The following TNIK variants were observed in gnomAD, a reference collection of about 807,000 sequenced individuals.
TNIK encodes the protein TRAF2 and NCK interacting kinase, also known as TRAF2 and NCK-interacting protein kinase.
Under a neutral mutation model 191.3 loss-of-function variants are expected in TNIK, and 49 were observed. The ratio of observed to expected loss-of-function variants is 0.26; its 90% CI spans 0.20 to 0.32. The LOEUF is 0.32. Ranked by LOEUF, TNIK falls within the 10% of genes least tolerant of loss-of-function variation. The pLI is 1.00. For synonymous variants in TNIK, 594 were observed against 600.9 expected, an observed-to-expected ratio of 0.99 and a Z score of 0.17; for missense variants, 1,155 against 1,702.3, an observed-to-expected ratio of 0.68 and a Z score of 5.66.
chr3:171,460,004 C>A lies in TNIK; in HGVS notation c.57+3G>T. ...GAAAGAAACCAGAAAACGTCCTGCT[C>A]ACCCTCAGAGCCGAGAGATCTATTT... On this transcript the variant is annotated splice_donor_region_variant and intron_variant, in intron 1 of 32. Transcript: ENST00000436636. This position sits in a 1 kb window ranked among gnomAD's most constrained non-coding sequence, Gnocchi z 6.8. 6.2e-7 allele frequency: 1 copy of A among 1,608,208 alleles called. No homozygotes were observed. The highest frequency in any genetic ancestry group is 1.3e-5 in the African/African-American group (1 of 74,902).
intron 15 of TNIK, among the ~76,000 whole-genome samples, chr3:171,134,342 G>A (rs1729690077): frequency 6.6e-6 from 1 of 152,140 alleles, no homozygotes; most frequent in Admixed American, 6.5e-5. Flanking sequence ...CTGGAGTGCA[G>A]TGGTGCAATC....
rs570973597 is a variant in TNIK, at chr3:171,249,151, C to T, written c.124-20930G>A. On this transcript the variant is annotated intron_variant, in intron 2 of 32. Coordinates refer to ENST00000436636, the MANE Select transcript of TNIK (RefSeq NM_015028.4). ...ACATTAAAAGTAACTAGCTATTGAA[C>T]ATGGCAACAAAAATAGTTAAGAACC... 4.6e-5 allele frequency among the ~76,000 whole-genome samples: 7 copies of T among 152,280 alleles called. No homozygotes were observed. The East Asian group carries it at 9.6e-4, about 21-fold the overall frequency.
chr3:171,219,153 A>G (rs1465365050), intron 3 of TNIK, among the ~76,000 whole-genome samples: 2 of 135,822 alleles, frequency 1.5e-5, no homozygotes, highest in Admixed American at 8.1e-5. Context: ...ATTATAAAAT[A>G]TATAATACAT....
At chr3:171,086,509 C>T (rs538006153) in intron 24 of TNIK, among the ~76,000 whole-genome samples, 3 of 152,318 alleles carry the variant, frequency 2.0e-5, no homozygotes, top group African/African-American at 4.8e-5. Flanking sequence ...CATGAAATTA[C>T]AATAGGATGC....
chr3:171,376,453 G>C (rs1441928327), intron 1 of TNIK, among the ~76,000 whole-genome samples: 4 of 152,178 alleles, frequency 2.6e-5, no homozygotes, highest in Admixed American at 6.5e-5. Flanking sequence ...GCCACCTACT[G>C]TGTGTTATAC....
In TNIK at chr3:171,307,285, A is replaced by AG. The variant is rs745611552; in HGVS notation, c.123+62334dup. 3.4e-4 allele frequency among the ~76,000 whole-genome samples: 51 copies of AG among 152,172 alleles called. 1 individual carries two copies. Among genetic ancestry groups the AG allele is most frequent in the Admixed American group, 2.6e-3 (40 of 15,266 alleles). On this transcript the variant is annotated intron_variant, in intron 2 of 32. Transcript: ENST00000436636. ...AAAAGCTGAAAGTCATGCCAGGCTC[A>AG]GGATCATCAAATAGAAACCCTGCAT...
chr3:171,131,600 G>A (rs987540072), intron 15 of TNIK, among the ~76,000 whole-genome samples: 2 of 152,172 alleles, frequency 1.3e-5, no homozygotes, highest in Non-Finnish European at 1.5e-5. Context: ...AGGCTCCAGT[G>A]TACTGAAATT....
At chr3:171,392,568 T>C (rs1719678905) in intron 1 of TNIK, among the ~76,000 whole-genome samples, 1 of 151,624 alleles carries the variant, frequency 6.6e-6, no homozygotes, top group African/African-American at 2.4e-5. Flanking sequence ...TCACTTGAGG[T>C]CAGGAGTTCG....
intron 2 of TNIK, among the ~76,000 whole-genome samples, chr3:171,338,489 TTATTA>T (rs1427626462): frequency 6.6e-6 from 1 of 152,140 alleles, no homozygotes; most frequent in Admixed American, 6.6e-5. Flanking sequence ...TAACTCTTTT[TTATTA>T]TTTTTTCTGT....
chr3:171,085,054 T>G (rs1349767480), intron 25 of TNIK, 64 bp downstream of exon 25: 17 of 1,334,954 alleles, frequency 1.3e-5, no homozygotes, highest in Non-Finnish European at 1.8e-5. Context: ...ATTAATTTCC[T>G]TATCAGGTCA....
At chr3:171,167,356 T>C (rs1183763768) in intron 9 of TNIK, 86 bp from the exon 10 acceptor site, 4 of 1,520,112 alleles carry the variant, frequency 2.6e-6, no homozygotes, top group Non-Finnish European at 3.5e-6. Context: ...TGGGACTTTT[T>C]CTTTTTTTAA....
At position 171,059,543 on chromosome 3, in the gene TNIK, G is replaced by A. The variant is rs1294056007; in HGVS notation, c.*4338C>T. ...AATGTTTGGTAGGAATATACAAATT[G>A]TCAGTTTTGAACTTGCAAATTCTCA... On this transcript the variant is annotated 3_prime_UTR_variant, in exon 33 of 33. Coordinates refer to ENST00000436636, the MANE Select transcript of TNIK (RefSeq NM_015028.4). 6.6e-6 allele frequency among the ~76,000 whole-genome samples: 1 copy of A among 152,158 alleles called. No individual in the cohort carries two copies. Among genetic ancestry groups the A allele is most frequent in the African/African-American group, 2.4e-5 (1 of 41,448 alleles).
intron 1 of TNIK, among the ~76,000 whole-genome samples, chr3:171,414,343 T>C (rs1722782489): frequency 1.3e-5 from 2 of 152,260 alleles, no homozygotes; most frequent in Admixed American, 1.3e-4. Context: ...ATTGATCAGA[T>C]TCTGCTCTTT....
At chr3:171,194,904 G>A (rs1164958047) in intron 4 of TNIK, among the ~76,000 whole-genome samples, 1 of 151,660 alleles carries the variant, frequency 6.6e-6, no homozygotes, top group African/African-American at 2.4e-5. Context: ...TTTTTAATGG[G>A]AGTAGGTAGG....
intron 19 of TNIK, among the ~76,000 whole-genome samples, chr3:171,108,649 G>C (rs1725347861): frequency 6.6e-6 from 1 of 152,034 alleles, no homozygotes; most frequent in African/African-American, 2.4e-5. Flanking sequence ...TTCTATGCTT[G>C]TTTTCTTCTT....
chr3:171,441,604 C>T (rs1458338951), intron 1 of TNIK, among the ~76,000 whole-genome samples: 2 of 152,150 alleles, frequency 1.3e-5, no homozygotes. Context: ...GTGAATGATG[C>T]TCCTCATGAA....
chr3:171,157,670 G>C lies in TNIK; in HGVS notation c.1017-6C>G. ...CTGGCAGATTCAGGATGGAGCTGTGGGTAGGAGAGAGTGATCAGGATCCCA... is the reference window on the plus strand; with the variant it reads ...CTGGCAGATTCAGGATGGAGCTGTGCGTAGGAGAGAGTGATCAGGATCCCA... On this transcript the variant is annotated splice_region_variant and splice_polypyrimidine_tract_variant and intron_variant, in intron 11 of 32. Transcript: ENST00000436636. 6.4e-7 allele frequency: 1 copy of C among 1,553,216 alleles called. No individual in the cohort carries two copies. Among genetic ancestry groups the C allele is most frequent in the Non-Finnish European group, 8.7e-7 (1 of 1,147,988 alleles).
chr3:171,114,940 A>G (rs531246039), intron 18 of TNIK, among the ~76,000 whole-genome samples: 1 of 130,276 alleles, frequency 7.7e-6, no homozygotes, highest in South Asian at 2.5e-4. Flanking sequence ...TAAAATAAAT[A>G]ATCTCTTTTA....
chr3:171,396,434 T>C (rs1577768709), intron 1 of TNIK, among the ~76,000 whole-genome samples: 1 of 152,210 alleles, frequency 6.6e-6, no homozygotes, highest in Non-Finnish European at 1.5e-5. Context: ...CAACTTTTTG[T>C]ATAGACATAT....
Sources: gnomAD v4.1 joint callset for allele counts (sites outside exome capture counted in the v4.1 genomes callset) on GRCh38, gnomAD v4.1.1 for gene constraint, Gnocchi (gnomAD v3.1) non-coding constraint, MANE v1.5 for transcripts, NCBI Gene and HGNC (gene_info 2026-07-23, HGNC 2026-07-21) for gene names.